Variants in ZNF385D observed in about 807,000 individuals in gnomAD.
ZNF385D encodes the protein zinc finger protein 385D, also known as zinc finger protein 659.
ZNF385D carries 15 observed loss-of-function variants against 35.8 expected under a neutral mutation model. The observed-to-expected ratio is 0.42, with a 90% confidence interval of 0.28 to 0.64. The LOEUF (loss-of-function observed/expected upper bound fraction) is 0.64, where lower values mean the gene tolerates loss of function less well. Among genes scored for constraint, ZNF385D ranks in the 30% least tolerant of loss-of-function variants. The pLI is 0.23. For missense variants in ZNF385D, 474 were observed against 494.6 expected (o/e 0.96, Z 0.39); for synonymous variants, 212 against 186.8 (o/e 1.13, Z -1.10).
intron 3 of ZNF385D, among the ~76,000 whole-genome samples, chr3:22,049,036 C>A (rs1003764102): frequency 6.6e-6 from 1 of 152,000 alleles, no homozygotes; most frequent in Admixed American, 6.6e-5. Context: ...GTGGCTCAGG[C>A]CTGTAATCCC....
chr3:22,358,574 T>G (rs1696262183), intron 2 of ZNF385D, among the ~76,000 whole-genome samples: 1 of 151,748 alleles, frequency 6.6e-6, no homozygotes. Context: ...GGTCATAAAA[T>G]AAGTGGGCAT....
chr3:22,066,863 G>A (rs572715869), intron 3 of ZNF385D, among the ~76,000 whole-genome samples: 2 of 152,190 alleles, frequency 1.3e-5, no homozygotes, highest in African/African-American at 4.8e-5. Flanking sequence ...CATAATCCAG[G>A]TTGCTAAATA....
chr3:21,549,593 C>A (rs1041338132), intron 3 of ZNF385D, among the ~76,000 whole-genome samples: 6 of 152,240 alleles, frequency 3.9e-5, no homozygotes, highest in Non-Finnish European at 8.8e-5. Flanking sequence ...ACCACACTCT[C>A]CAGAGCCAGC....
intron 3 of ZNF385D, among the ~76,000 whole-genome samples, chr3:21,538,427 A>G (rs1484187882): frequency 6.6e-6 from 1 of 152,126 alleles, no homozygotes; most frequent in East Asian, 1.9e-4. Flanking sequence ...GTTGTGTGAT[A>G]TGTTAACTTT....
chr3:22,220,227 C>T (rs903026648), intron 2 of ZNF385D, among the ~76,000 whole-genome samples: 1 of 151,936 alleles, frequency 6.6e-6, no homozygotes, highest in African/African-American at 2.4e-5. Flanking sequence ...CCACACCAGG[C>T]TAATGATTTC....
At chr3:22,168,938 A>T (rs1174297307) in exon 3 of ZNF385D, 1 of 985,728 alleles carries the variant, frequency 1.0e-6, no homozygotes, top group Non-Finnish European at 1.2e-6. Flanking sequence ...CATTGCACAA[A>T]GTAAAGTTGG....
At chr3:22,314,922 T>A (rs1159911864) in intron 2 of ZNF385D, among the ~76,000 whole-genome samples, 2 of 152,072 alleles carry the variant, frequency 1.3e-5, no homozygotes, top group Non-Finnish European at 2.9e-5. Flanking sequence ...TGTAGTACTA[T>A]GATCAAGGGG....
At chr3:21,615,728 ACTATC>A (rs2064826229) in intron 2 of ZNF385D, among the ~76,000 whole-genome samples, 1 of 151,708 alleles carries the variant, frequency 6.6e-6, no homozygotes, top group African/African-American at 2.4e-5. Context: ...AGGTGGCTAA[ACTATC>A]TTATAAGGCC....
chr3:22,255,082 T>G (rs1225147245), intron 2 of ZNF385D, among the ~76,000 whole-genome samples: 1 of 151,886 alleles, frequency 6.6e-6, no homozygotes, highest in Non-Finnish European at 1.5e-5. Context: ...CCATTTAGTA[T>G]TTTTGGACTG....
chr3:22,286,574 T>C (rs1702035412), intron 2 of ZNF385D, among the ~76,000 whole-genome samples: 1 of 152,140 alleles, frequency 6.6e-6, no homozygotes, highest in Non-Finnish European at 1.5e-5. Flanking sequence ...TTTTGACGCA[T>C]TGCATAAGGC....
At chr3:22,308,802 A>G (rs1321253450) in intron 2 of ZNF385D, among the ~76,000 whole-genome samples, 1 of 152,152 alleles carries the variant, frequency 6.6e-6, no homozygotes, top group East Asian at 1.9e-4. Flanking sequence ...TATCATTCAG[A>G]ATATGAATTT....
intron 3 of ZNF385D, among the ~76,000 whole-genome samples, chr3:21,970,725 C>G (rs1173802837): frequency 1.3e-5 from 2 of 151,470 alleles, no homozygotes; most frequent in African/African-American, 4.9e-5. Flanking sequence ...TATAGAACAC[C>G]AAGAAGATTT....
intron 3 of ZNF385D, among the ~76,000 whole-genome samples, chr3:21,810,996 G>GTC (rs557279868): frequency 2.3e-5 from 3 of 133,238 alleles, no homozygotes; most frequent in Non-Finnish European, 4.8e-5. Flanking sequence ...GTGTGTGTGT[G>GTC]TGTATATATA....
chr3:22,349,429 T>A (rs990859753), intron 2 of ZNF385D, among the ~76,000 whole-genome samples: 1 of 152,214 alleles, frequency 6.6e-6, no homozygotes. Flanking sequence ...CTAGTGGCAA[T>A]GCCATTCTCT....
chr3:21,525,879 T>C (rs1226355309), intron 3 of ZNF385D, among the ~76,000 whole-genome samples: 1 of 151,986 alleles, frequency 6.6e-6, no homozygotes, highest in Non-Finnish European at 1.5e-5. Flanking sequence ...AATACAGCGG[T>C]TGTCTAAGTG....
intron 3 of ZNF385D, among the ~76,000 whole-genome samples, chr3:22,091,322 C>A (rs1701320387): frequency 6.6e-6 from 1 of 152,150 alleles, no homozygotes; most frequent in Non-Finnish European, 1.5e-5. Flanking sequence ...GAAACTTGAG[C>A]AGCTTTGCAG....
intron 2 of ZNF385D, among the ~76,000 whole-genome samples, chr3:21,602,517 C>CTATTTTTTTTTTTTTTTTTT (rs2064333684): frequency 1.6e-5 from 1 of 62,710 alleles, no homozygotes; most frequent in African/African-American, 7.6e-5. Flanking sequence ...CCTGCATTTT[C>CTATTTTTTTTTTTTTTTTTT]TTTTTTTTTT....
chr3:22,011,940 G>GT (rs909417701), intron 3 of ZNF385D, among the ~76,000 whole-genome samples: 1 of 152,074 alleles, frequency 6.6e-6, no homozygotes, highest in Non-Finnish European at 1.5e-5. Context: ...CAGGCAACAG[G>GT]TTTTCTTCTT....
chr3:21,525,295 A>T (rs974889544), intron 3 of ZNF385D, among the ~76,000 whole-genome samples: 2 of 152,190 alleles, frequency 1.3e-5, no homozygotes, highest in African/African-American at 4.8e-5. Flanking sequence ...TTTGAGGAAG[A>T]AATGCCAAAC....
Sources: allele counts gnomAD v4.1 joint callset (sites outside exome capture counted in the v4.1 genomes callset), GRCh38; gene constraint gnomAD v4.1.1; transcripts MANE v1.5; gene names NCBI Gene and HGNC (gene_info 2026-07-23, HGNC 2026-07-21).